SORCS3: variants seen among roughly 807,000 people sequenced by gnomAD.
SORCS3 encodes VPS10 domain-containing receptor SorCS3.
In SORCS3, 57 loss-of-function variants were observed where a neutral mutation model predicts 146.3. The ratio of observed to expected loss-of-function variants is 0.39; its 90% CI spans 0.31 to 0.49. SORCS3 has a LOEUF of 0.49. SORCS3 is among the 20% of genes least tolerant of loss of function. SORCS3 has a pLI of 0.92. For missense variants in SORCS3, 1,341 were observed against 1,575.5 expected (o/e 0.85, Z 2.52); for synonymous variants, 653 against 618.5 (o/e 1.06, Z -0.83).
chr10:104,839,816 A>G (rs2018116317), intron 1 of SORCS3, among the ~76,000 whole-genome samples: 1 of 152,200 alleles, frequency 6.6e-6, no homozygotes, highest in East Asian at 1.9e-4. Flanking sequence ...CGTGAGAGAA[A>G]GTGGGAAAGG....
chr10:105,099,167 T>G (rs1171282509), intron 6 of SORCS3, among the ~76,000 whole-genome samples: 1 of 152,222 alleles, frequency 6.6e-6, no homozygotes, highest in East Asian at 1.9e-4. Flanking sequence ...AGGATGCTGA[T>G]GGAAGCTAAA....
At chr10:105,228,174 C>T (rs1235394381) in intron 20 of SORCS3, among the ~76,000 whole-genome samples, 1 of 151,264 alleles carries the variant, frequency 6.6e-6, no homozygotes, top group Non-Finnish European at 1.5e-5. Flanking sequence ...TACCTTTGTC[C>T]CTTTTCTTTC....
At chr10:104,878,790 A>G (rs552000011) in intron 2 of SORCS3, among the ~76,000 whole-genome samples, 1 of 152,342 alleles carries the variant, frequency 6.6e-6, no homozygotes, top group East Asian at 1.9e-4. Context: ...TATTCCAAAT[A>G]TGGAGGGCTT....
intron 1 of SORCS3, among the ~76,000 whole-genome samples, chr10:104,695,940 T>TATATAATATATATATTATATACAC (rs2016170157): frequency 6.9e-6 from 1 of 145,234 alleles, no homozygotes; most frequent in Admixed American, 7.1e-5. Context: ...GTGATGTATA[T>TATATAATATATATATTATATACAC]ATATAATATA....
At chr10:105,086,290 A>G (rs944968334) in intron 5 of SORCS3, among the ~76,000 whole-genome samples, 2 of 152,210 alleles carry the variant, frequency 1.3e-5, no homozygotes, top group Non-Finnish European at 2.9e-5. Flanking sequence ...ATAAAGGATG[A>G]CAGGAAAGGG....
At chr10:104,987,918 AG>A (rs2054971510) in intron 4 of SORCS3, among the ~76,000 whole-genome samples, 1 of 152,218 alleles carries the variant, frequency 6.6e-6, no homozygotes, top group Admixed American at 6.5e-5. Flanking sequence ...CTTTGAGCCT[AG>A]GAACTCTTAC....
rs953051326 is a variant in SORCS3 at position 105,223,155 on chromosome 10, C to G, written c.2774C>G (p.Ala925Gly). Residue 925 changes from alanine to glycine, a missense_variant, in exon 20 of 27, where the codon GCC (alanine) becomes GGC (glycine). Physicochemically the swap from Ala to Gly is moderately conservative, Grantham distance 60. Transcript: ENST00000369701. ...EHVHLRVPFVAIRNKEVNISA... is the reference protein window; with the variant it reads ...EHVHLRVPFVGIRNKEVNISA... ...GTTCATCTCCGAGTTCCATTTGTTGCCATAAGAAATAAGGAGGTCAACATC... is the reference window on the plus strand; with the variant it reads ...GTTCATCTCCGAGTTCCATTTGTTGGCATAAGAAATAAGGAGGTCAACATC... 1 of 1,611,502 alleles carries G rather than the reference C, an allele frequency of 6.2e-7. No individual in the cohort carries two copies. Among genetic ancestry groups the G allele is most frequent in the Non-Finnish European group, 8.5e-7 (1 of 1,178,098 alleles).
intron 1 of SORCS3, among the ~76,000 whole-genome samples, chr10:104,720,561 A>G (rs2016535182): frequency 6.6e-6 from 1 of 152,248 alleles, no homozygotes; most frequent in Non-Finnish European, 1.5e-5. Context: ...ACTGACTTCC[A>G]CAATGGTCGA....
intron 4 of SORCS3, among the ~76,000 whole-genome samples, chr10:104,983,816 T>G (rs1055140525): frequency 2.6e-5 from 4 of 152,152 alleles, no homozygotes; most frequent in East Asian, 1.9e-4. Context: ...AGGCCACTTA[T>G]GCTCCCTCCA....
At chr10:105,199,576 C>CTGAG (rs2056562844) in intron 14 of SORCS3, among the ~76,000 whole-genome samples, 1 of 152,160 alleles carries the variant, frequency 6.6e-6, no homozygotes, top group Non-Finnish European at 1.5e-5. Flanking sequence ...GATGAGGAAA[C>CTGAG]TGAGTCCCTG....
At chr10:105,144,128 A>G (rs950129969) in intron 8 of SORCS3, among the ~76,000 whole-genome samples, 2 of 152,170 alleles carry the variant, frequency 1.3e-5, no homozygotes, top group Non-Finnish European at 2.9e-5. Context: ...TAGGTGTGCC[A>G]TAGCACCCCT....
At chr10:104,787,429 C>G (rs1309060687) in intron 1 of SORCS3, among the ~76,000 whole-genome samples, 1 of 152,106 alleles carries the variant, frequency 6.6e-6, no homozygotes, top group Non-Finnish European at 1.5e-5. Flanking sequence ...TTGTTGAGCT[C>G]CATAAGGAAT....
chr10:104,745,887 T>C (rs1049196632), intron 1 of SORCS3, among the ~76,000 whole-genome samples: 6 of 152,214 alleles, frequency 3.9e-5, no homozygotes, highest in African/African-American at 1.4e-4. Context: ...CAGGTTCTTG[T>C]ATGTTGTCAC....
intron 1 of SORCS3, among the ~76,000 whole-genome samples, chr10:104,677,261 G>C (rs556930587): frequency 1.3e-5 from 2 of 152,320 alleles, no homozygotes; most frequent in Non-Finnish European, 1.5e-5. Flanking sequence ...CCTGTTGCCT[G>C]AGCTTTTGGC....
intron 4 of SORCS3, among the ~76,000 whole-genome samples, chr10:105,042,065 G>A (rs904852245): frequency 1.3e-5 from 2 of 152,188 alleles, no homozygotes; most frequent in Non-Finnish European, 2.9e-5. Flanking sequence ...CCTGTTAGAG[G>A]TGTTTATGTT....
chr10:105,174,659 T>G (rs2056385224), intron 13 of SORCS3, among the ~76,000 whole-genome samples: 1 of 149,720 alleles, frequency 6.7e-6, no homozygotes, highest in Non-Finnish European at 1.5e-5. Flanking sequence ...CTTACTTATG[T>G]CATCTTTGGG....
intron 7 of SORCS3, among the ~76,000 whole-genome samples, chr10:105,112,034 A>G (rs1234302181): frequency 6.6e-6 from 1 of 152,166 alleles, no homozygotes; most frequent in Non-Finnish European, 1.5e-5. Context: ...TCTTTAATTA[A>G]ATCTAGATAA....
chr10:104,643,490 C>T (rs2015453101), intron 1 of SORCS3, among the ~76,000 whole-genome samples: 1 of 152,190 alleles, frequency 6.6e-6, no homozygotes, highest in Non-Finnish European at 1.5e-5. Flanking sequence ...TGGCGGGCTT[C>T]ATCTGCCTGG....
At chr10:104,793,371 G>A (rs1360692240) in intron 1 of SORCS3, among the ~76,000 whole-genome samples, 1 of 152,072 alleles carries the variant, frequency 6.6e-6, no homozygotes, top group African/African-American at 2.4e-5. Context: ...TTTATGCATT[G>A]TGCGTGACTA....
Sources: gnomAD v4.1 joint callset for allele counts (sites outside exome capture counted in the v4.1 genomes callset) on GRCh38, gnomAD v4.1.1 for gene constraint, MANE v1.5 for transcripts, NCBI Gene and HGNC (gene_info 2026-07-23, HGNC 2026-07-21) for gene names.